Variants in SEC23A observed in about 807,000 individuals in gnomAD.
SEC23A encodes the protein protein transport protein Sec23A.
In SEC23A, 56 loss-of-function variants were observed where a neutral mutation model predicts 103.7. That is an observed-to-expected ratio of 0.54 (90% CI 0.44 to 0.67). SEC23A has a LOEUF of 0.67. Among genes scored for constraint, SEC23A ranks in the 30% least tolerant of loss-of-function variants. The pLI is 0.00. For missense variants in SEC23A, 784 were observed against 936.4 expected (o/e 0.84, Z 2.12); for synonymous variants, 281 against 293.0 (o/e 0.96, Z 0.42).
Position 39,054,771 on chromosome 14 carries a change from G to A in SEC23A, c.1659+372C>T, listed in dbSNP as rs181611611. Among the ~76,000 whole-genome samples the A allele has an allele frequency of 6.0e-4, 92 of 152,120 alleles. 1 individual carries two copies. The highest frequency in any genetic ancestry group is 2.2e-3 in the African/African-American group (92 of 41,492). ...TCTTTTAAGAGATGCACATATAATA[G>A]TTCCATTAAAATGAAAGTAAAAAAC... On this transcript the variant is annotated intron_variant, in intron 14 of 19. Transcript: ENST00000307712.
rs57657891 is a variant in SEC23A at position 39,045,522 on chromosome 14, G to GA, written c.1738-199dup. ...GCTGCCTAAAAATAAAATTCCACAA[G>GA]AAAAAAAATTTAAGAAAGAAAAAAA... is the stretch of plus-strand genomic sequence containing the variant. On this transcript the variant is annotated intron_variant, in intron 15 of 19. Transcript: ENST00000307712. Among the ~76,000 whole-genome samples, 41,592 of 150,756 alleles carry GA rather than the reference G, an allele frequency of 0.28. 6,667 individuals carry two copies. Among genetic ancestry groups the GA allele is most frequent in the Non-Finnish European group, 0.36 (24,074 of 67,702 alleles).
intron 7 of SEC23A, among the ~76,000 whole-genome samples, chr14:39,078,255 CA>C (rs1201736209): frequency 4.8e-5 from 7 of 146,504 alleles, no homozygotes; most frequent in Non-Finnish European, 7.5e-5. Context: ...ACTCTTGTCT[CA>C]AAAAAAAACA....
At chr14:39,101,505 C>A (rs1271947364) in intron 1 of SEC23A, among the ~76,000 whole-genome samples, 1 of 151,880 alleles carries the variant, frequency 6.6e-6, no homozygotes, top group African/African-American at 2.4e-5. Context: ...GTAGTCCCAG[C>A]TACTCAGGCG....
At chr14:39,084,982 T>C (rs1887380309) in intron 7 of SEC23A, among the ~76,000 whole-genome samples, 2 of 152,132 alleles carry the variant, frequency 1.3e-5, no homozygotes, top group South Asian at 4.1e-4. Flanking sequence ...GCCTTTTGTA[T>C]GTTAATAAAA....
intron 14 of SEC23A, among the ~76,000 whole-genome samples, chr14:39,051,139 T>C (rs1029339117): frequency 2.0e-5 from 3 of 152,202 alleles, no homozygotes; most frequent in Admixed American, 6.5e-5. Flanking sequence ...TAAATTTCTT[T>C]CCCTCAATTT....
chr14:39,067,918 C>T (rs1308780412), intron 9 of SEC23A, among the ~76,000 whole-genome samples: 2 of 151,962 alleles, frequency 1.3e-5, no homozygotes, highest in African/African-American at 2.4e-5. Flanking sequence ...AATATGCTCA[C>T]CTCGGGCTGC....
At chr14:39,036,537 C>A (rs1021100952) in intron 19 of SEC23A, among the ~76,000 whole-genome samples, 2 of 152,010 alleles carry the variant, frequency 1.3e-5, no homozygotes, top group African/African-American at 4.8e-5. Flanking sequence ...TGAAAAGAAA[C>A]AGGCAATTAT....
At chr14:39,101,918 T>G (rs1290452369) in intron 1 of SEC23A, among the ~76,000 whole-genome samples, 1 of 152,070 alleles carries the variant, frequency 6.6e-6, no homozygotes, top group Non-Finnish European at 1.5e-5. Flanking sequence ...AACTCTAAAA[T>G]TCTGTAAGTC....
chr14:39,093,408 T>A (rs1033936073), intron 2 of SEC23A, among the ~76,000 whole-genome samples, 164 bp from the exon 3 acceptor site: 17 of 152,224 alleles, frequency 1.1e-4, no homozygotes, highest in African/African-American at 3.9e-4. Context: ...TGCCAATATC[T>A]AATTCACACT....
At chr14:39,087,654 T>C (rs1481738178) in intron 5 of SEC23A, 1 of 152,494 alleles carries the variant, frequency 6.6e-6, no homozygotes, top group Non-Finnish European at 1.5e-5. Context: ...ATACTAAATT[T>C]TTCTTGAATC....
At chr14:39,039,667 A>T (rs935556119) in intron 18 of SEC23A, 1 of 153,222 alleles carries the variant, frequency 6.5e-6, no homozygotes, top group Non-Finnish European at 1.5e-5. Context: ...TAATGGAAGC[A>T]CATAGACAGT....
chr14:39,092,413 T>C (rs967347424), intron 4 of SEC23A, 128 bp downstream of exon 4: 1 of 684,040 alleles, frequency 1.5e-6, no homozygotes, highest in Non-Finnish European at 2.5e-6. Context: ...TCAACAGTTC[T>C]TACCTTTGAA....
rs762229318 is a variant in SEC23A, at chr14:39,055,269, T to C, written c.1533A>G (p.Gln511=). ...CCTGGTCAAAAGATGCAGCAATGTTTTGGATTTGAGTTTGAGCATCTGCCC... is the reference window on the plus strand; with the variant it reads ...CCTGGTCAAAAGATGCAGCAATGTTCTGGATTTGAGTTTGAGCATCTGCCC... ...RNWADAQTQI[Q]NIAASFDQEA... is the part of the protein sequence containing the mutation. Residue 511 remains glutamine, a synonymous_variant, in exon 14 of 20, where the codon CAA becomes CAG. Coordinates refer to ENST00000307712, the MANE Select transcript of SEC23A (RefSeq NM_006364.4). 18 of 1,614,074 alleles carry C rather than the reference T, an allele frequency of 1.1e-5. No individual in the cohort carries two copies. The highest frequency in any genetic ancestry group is 1.7e-5 in the Admixed American group (1 of 60,006).
In SEC23A at chr14:39,064,929, G is replaced by T. The variant is rs1335049853; in HGVS notation, c.1292C>A (p.Pro431His). The T allele has an allele frequency of 3.1e-6, 5 of 1,610,904 alleles. No homozygotes were observed. The highest frequency in any genetic ancestry group is 2.7e-5 in the African/African-American group (2 of 74,730). ...GPCVSLNSKG[P>H]CVSENEIGTG... is the part of the protein sequence containing the mutation. ...ACAACTTACATTTTCAGACACACAG[G>T]GTCCTTTAGAATTGAGTGACACACA... Residue 431 changes from proline (P) to histidine (H), a missense_variant, in exon 11 of 20, where the codon CCC (proline) becomes CAC (histidine). Pro to His is a moderately conservative substitution (Grantham distance 77). Coordinates refer to ENST00000307712, the MANE Select transcript of SEC23A (RefSeq NM_006364.4).
At chr14:39,060,110 T>C (rs2139222773) in intron 13 of SEC23A, among the ~76,000 whole-genome samples, 2 of 151,692 alleles carry the variant, frequency 1.3e-5, no homozygotes, top group African/African-American at 4.8e-5. Flanking sequence ...CACATGTGTG[T>C]GTGTGTGCAC....
intron 5 of SEC23A, chr14:39,087,758 T>A (rs1181019364): frequency 1.3e-5 from 2 of 152,278 alleles, no homozygotes; most frequent in South Asian, 2.1e-4. Flanking sequence ...AGTGAACTAA[T>A]CCTGCAATAT....
chr14:39,045,409 A>G, intron 15 of SEC23A, 85 bp from the exon 16 acceptor site: 1 of 928,542 alleles, frequency 1.1e-6, no homozygotes, highest in Middle Eastern at 2.9e-4. Flanking sequence ...TTGATTACAA[A>G]CTATTAACAA....
chr14:39,096,188 C>G (rs763354349), intron 1 of SEC23A, 49 bp from the exon 2 acceptor site: 1 of 1,229,862 alleles, frequency 8.1e-7, no homozygotes, highest in African/African-American at 1.5e-5. Context: ...CTCTTAAGAA[C>G]GTTCAAAATA....
chr14:39,096,695 G>T (rs1887904779), intron 1 of SEC23A, among the ~76,000 whole-genome samples: 1 of 152,120 alleles, frequency 6.6e-6, no homozygotes, highest in African/African-American at 2.4e-5. Flanking sequence ...AAAAAATAGT[G>T]TCTTATTTCT....
Sources: allele counts gnomAD v4.1 joint callset (sites outside exome capture counted in the v4.1 genomes callset), GRCh38; gene constraint gnomAD v4.1.1; transcripts MANE v1.5; gene names NCBI Gene and HGNC (gene_info 2026-07-23, HGNC 2026-07-21).